The following NETO1 variants were observed in gnomAD, a reference collection of about 807,000 sequenced individuals.
NETO1 encodes the protein neuropilin and tolloid-like protein 1.
Under a neutral mutation model 61.3 loss-of-function variants are expected in NETO1, and 26 were observed. That is an observed-to-expected ratio of 0.42 (90% CI 0.31 to 0.59). NETO1 has a LOEUF of 0.59. Ranked by LOEUF, NETO1 falls within the 20% of genes least tolerant of loss-of-function variation. The pLI is 0.12. For missense variants in NETO1, 531 were observed against 662.8 expected, an observed-to-expected ratio of 0.80 and a Z score of 2.18; for synonymous variants, 225 against 225.8, an observed-to-expected ratio of 1.00 and a Z score of 0.03.
At chr18:72,856,484 G>T (rs932693715) in intron 4 of NETO1, among the ~76,000 whole-genome samples, 1 of 152,160 alleles carries the variant, frequency 6.6e-6, no homozygotes, top group Non-Finnish European at 1.5e-5. Context: ...AACAGCTATC[G>T]ATAGTTGAGT....
At chr18:72,841,175 G>C (rs2096956) in intron 4 of NETO1, among the ~76,000 whole-genome samples, 1 of 151,988 alleles carries the variant, frequency 6.6e-6, no homozygotes, top group African/African-American at 2.4e-5. Flanking sequence ...GTGTTTTTTG[G>C]TATTTGAAGT....
chr18:72,852,524 T>C (rs1197299320), intron 4 of NETO1, among the ~76,000 whole-genome samples: 5 of 152,104 alleles, frequency 3.3e-5, no homozygotes, highest in Non-Finnish European at 7.4e-5. Flanking sequence ...CGGAAGACAC[T>C]CTTTCTTTAT....
At chr18:72,765,556 T>A (rs2071125177) in intron 7 of NETO1, among the ~76,000 whole-genome samples, 1 of 152,038 alleles carries the variant, frequency 6.6e-6, no homozygotes. Context: ...GTAGCTGGGA[T>A]TACAGGCACC....
Position 72,867,387 on chromosome 18 carries a change from T to TA in NETO1, c.-97dup. ...GGGGGAGGACAGGGTCGAGAGGTGT[T>TA]AAAGACGCAAAGCAAGAAGGAAATA... On this transcript the variant is annotated 5_prime_UTR_variant, in exon 1 of 11. The change abolishes the stop of an existing upstream ORF in the 5' untranslated region. Transcript: ENST00000327305. 3 of 954,048 alleles carry TA rather than the reference T, an allele frequency of 3.1e-6. No individual in the cohort carries two copies. The highest frequency in any genetic ancestry group is 4.5e-6 in the Non-Finnish European group (3 of 668,956). 59.1% of individuals were successfully genotyped at this position (954,048 alleles called of 1,614,324 possible).
chr18:72,817,129 C>T (rs1261637581), intron 4 of NETO1, among the ~76,000 whole-genome samples: 1 of 152,174 alleles, frequency 6.6e-6, no homozygotes, highest in Admixed American at 6.5e-5. Context: ...CCTGAGTTTA[C>T]CCTGTGACTT....
At chr18:72,819,856 T>TG (rs1369256987) in intron 4 of NETO1, among the ~76,000 whole-genome samples, 6 of 152,170 alleles carry the variant, frequency 3.9e-5, no homozygotes, top group African/African-American at 1.2e-4. Context: ...ATATTTAGAA[T>TG]GGAAAAGAAC....
chr18:72,813,991 A>T (rs1216712554), intron 4 of NETO1, among the ~76,000 whole-genome samples: 1 of 152,068 alleles, frequency 6.6e-6, no homozygotes, highest in Non-Finnish European at 1.5e-5. Context: ...CACCCGGGAG[A>T]CTGGAATGAT....
intron 4 of NETO1, among the ~76,000 whole-genome samples, chr18:72,801,091 G>A (rs1266262473): frequency 1.3e-5 from 2 of 152,088 alleles, no homozygotes; most frequent in African/African-American, 2.4e-5. Flanking sequence ...ATTTTTACTC[G>A]CAGGCTGGGT....
intron 4 of NETO1, among the ~76,000 whole-genome samples, chr18:72,851,298 C>A (rs2074241195): frequency 1.3e-5 from 2 of 151,994 alleles, no homozygotes; most frequent in South Asian, 4.1e-4. Flanking sequence ...GTAATCCCAG[C>A]AACTAGGGAG....
intron 4 of NETO1, among the ~76,000 whole-genome samples, chr18:72,808,622 T>C (rs2072760459): frequency 6.6e-6 from 1 of 152,162 alleles, no homozygotes; most frequent in Non-Finnish European, 1.5e-5. Context: ...CGTTTAAGCA[T>C]CATGGCAAAG....
At chr18:72,865,633 A>G in intron 1 of NETO1, 1 of 1,593,332 alleles carries the variant, frequency 6.3e-7, no homozygotes, top group Non-Finnish European at 8.6e-7. Context: ...GGTAAAAAGG[A>G]GGAAAAGGAG....
intron 7 of NETO1, among the ~76,000 whole-genome samples, chr18:72,764,437 G>T (rs1246156514): frequency 2.6e-5 from 4 of 152,042 alleles, no homozygotes; most frequent in Non-Finnish European, 5.9e-5. Flanking sequence ...TATCAGTTCA[G>T]GTAACTAAGG....
intron 10 of NETO1, 129 bp downstream of exon 10, chr18:72,748,885 G>A: frequency 1.4e-6 from 1 of 693,544 alleles, no homozygotes; most frequent in Non-Finnish European, 2.6e-6. Flanking sequence ...ATTTCTAATT[G>A]TGAAATGTCA....
rs756961581 is a variant in NETO1 at position 72,749,064 on chromosome 18, G to T, written c.1566C>A (p.Ser522Arg). 1.2e-6 allele frequency: 2 copies of T among 1,609,590 alleles called. No individual in the cohort carries two copies. The highest frequency in any genetic ancestry group is 2.2e-5 in the South Asian group (2 of 91,000). The part of the protein sequence containing the change: ...VQRFCLIGSL[S>R]KHESEYNTTR... ...TTGTGTTGTATTCAGATTCATGTTT[G>T]CTTAGAGACCCAATGAGGCAGAACC... Residue 522 changes from serine (S) to arginine (R), a missense_variant, in exon 10 of 11, where the codon AGC becomes AGA. Physicochemically the swap from Ser to Arg is moderately radical, Grantham distance 110. Coordinates refer to ENST00000327305, the MANE Select transcript of NETO1 (RefSeq NM_138966.5).
At chr18:72,764,566 A>G (rs1274971110) in intron 7 of NETO1, among the ~76,000 whole-genome samples, 1 of 151,930 alleles carries the variant, frequency 6.6e-6, no homozygotes, top group Non-Finnish European at 1.5e-5. Context: ...GGCAATTTTC[A>G]TCAGACACAG....
At chr18:72,784,687 A>G (rs187087215) in intron 6 of NETO1, among the ~76,000 whole-genome samples, 58 of 151,618 alleles carry the variant, frequency 3.8e-4, no homozygotes, top group Admixed American at 2.1e-3. Flanking sequence ...ATTCTTTCAC[A>G]ACATTATGCT....
chr18:72,836,646 A>G (rs1428670211), intron 4 of NETO1, among the ~76,000 whole-genome samples: 1 of 152,194 alleles, frequency 6.6e-6, no homozygotes, highest in East Asian at 1.9e-4. Flanking sequence ...TATATTGCAA[A>G]TCGTTTTGCA....
chr18:72,828,802 G>A (rs914038841), intron 4 of NETO1, among the ~76,000 whole-genome samples: 4 of 152,166 alleles, frequency 2.6e-5, no homozygotes, highest in South Asian at 2.1e-4. Context: ...CAGCGAAAAC[G>A]AAAGCCAACA....
chr18:72,776,958 C>T (rs886489814), intron 7 of NETO1, among the ~76,000 whole-genome samples: 2 of 152,186 alleles, frequency 1.3e-5, no homozygotes, highest in African/African-American at 2.4e-5. Context: ...GCTCCTTATA[C>T]ATTCTGAGGC....
Sources: gnomAD v4.1 joint callset for allele counts (sites outside exome capture counted in the v4.1 genomes callset) on GRCh38, gnomAD v4.1.1 for gene constraint, MANE v1.5 for transcripts, NCBI Gene and HGNC (gene_info 2026-07-23, HGNC 2026-07-21) for gene names.